Variants in NTM observed in about 807,000 individuals in gnomAD.
NTM encodes the protein neurotrimin, also known as IgLON family member 2.
In NTM, 13 loss-of-function variants were observed where a neutral mutation model predicts 42.1. The ratio of observed to expected loss-of-function variants is 0.31; its 90% CI spans 0.20 to 0.49. NTM has a LOEUF of 0.49. Among genes scored for constraint, NTM ranks in the 20% least tolerant of loss-of-function variants. The pLI is 0.99. For missense variants in NTM, 373 were observed against 452.8 expected (o/e 0.82, Z 1.60); for synonymous variants, 187 against 179.2 (o/e 1.04, Z -0.35).
chr11:131,774,816 C>T (rs2086706335), intron 1 of NTM, among the ~76,000 whole-genome samples: 1 of 152,148 alleles, frequency 6.6e-6, no homozygotes, highest in Non-Finnish European at 1.5e-5. Context: ...GATGCATGTG[C>T]CTTTCAGAAC....
intron 3 of NTM, among the ~76,000 whole-genome samples, chr11:132,171,740 C>A (rs954550158): frequency 3.9e-5 from 6 of 152,134 alleles, no homozygotes; most frequent in African/African-American, 1.4e-4. Flanking sequence ...ATCTGAATTG[C>A]AGGAATTCAT....
chr11:132,294,726 G>T (rs2094555036), intron 4 of NTM, among the ~76,000 whole-genome samples: 1 of 152,184 alleles, frequency 6.6e-6, no homozygotes, highest in South Asian at 2.1e-4. Context: ...ATTTTGTAGT[G>T]ATGGCAGCAG....
At chr11:131,986,593 T>A (rs1444177787) in intron 2 of NTM, among the ~76,000 whole-genome samples, 2 of 152,202 alleles carry the variant, frequency 1.3e-5, no homozygotes, top group African/African-American at 4.8e-5. Context: ...CTATCTAAAA[T>A]TGCAGCCCCT....
intron 3 of NTM, among the ~76,000 whole-genome samples, chr11:132,175,064 T>G (rs952573875): frequency 1.3e-5 from 2 of 152,272 alleles, no homozygotes; most frequent in Middle Eastern, 3.4e-3. Flanking sequence ...GGTCTTGGAA[T>G]GTGGGAGGCT....
chr11:132,036,644 A>T (rs867252447), intron 2 of NTM, among the ~76,000 whole-genome samples: 2 of 152,184 alleles, frequency 1.3e-5, no homozygotes, highest in Non-Finnish European at 2.9e-5. Context: ...AACTCATTTC[A>T]GTGAATTCCT....
intron 2 of NTM, among the ~76,000 whole-genome samples, chr11:131,963,843 G>C (rs1016827082): frequency 6.6e-6 from 1 of 152,168 alleles, no homozygotes; most frequent in Non-Finnish European, 1.5e-5. Flanking sequence ...ATGACACTTT[G>C]AGGTAGATAC....
intron 1 of NTM, among the ~76,000 whole-genome samples, chr11:131,906,513 C>T (rs78351672): frequency 0.028 from 4,208 of 152,152 alleles, 96 homozygotes; most frequent in Non-Finnish European, 0.043. Context: ...TGTGATGTTA[C>T]GAGTCCAGGG....
chr11:131,714,676 G>C (rs1340148694), intron 1 of NTM, among the ~76,000 whole-genome samples: 1 of 152,156 alleles, frequency 6.6e-6, no homozygotes, highest in East Asian at 1.9e-4. Context: ...AGTGTCATAG[G>C]CTAAACACAT....
chr11:131,915,943 C>T (rs533547175), intron 2 of NTM, among the ~76,000 whole-genome samples: 2 of 152,324 alleles, frequency 1.3e-5, no homozygotes, highest in Admixed American at 6.5e-5. Context: ...GGTGGGGACA[C>T]AGCCAGACCA....
intron 2 of NTM, among the ~76,000 whole-genome samples, chr11:132,044,058 ATGTGTG>A (rs1450648453): frequency 7.7e-6 from 1 of 130,198 alleles, no homozygotes; most frequent in Admixed American, 7.9e-5. Flanking sequence ...GTATGTGTGT[ATGTGTG>A]TGTATGTGTA....
At chr11:132,163,096 G>C (rs751132157) in intron 3 of NTM, among the ~76,000 whole-genome samples, 1 of 152,272 alleles carries the variant, frequency 6.6e-6, no homozygotes, top group Non-Finnish European at 1.5e-5. Context: ...TGGAAGGAGC[G>C]TCTGCAGAGA....
At position 132,071,362 on chromosome 11, in the gene NTM, C is replaced by T. The variant is rs1355883253; in HGVS notation, c.168-74920C>T. Among the ~76,000 whole-genome samples, 7 of 150,554 alleles carry T rather than the reference C, an allele frequency of 4.6e-5. No homozygotes were observed. The East Asian group carries it at 9.8e-4, about 21-fold the overall frequency. On this transcript the variant is annotated intron_variant, in intron 2 of 8. Coordinates refer to ENST00000683400, the MANE Select transcript of NTM (RefSeq NM_001352005.2). ...AACACGTCACTCAGCCAAGTTAACA[C>T]GTCACACTGACCATCACAGGTTAGT... is the stretch of plus-strand genomic sequence containing the variant.
intron 1 of NTM, among the ~76,000 whole-genome samples, chr11:131,455,642 G>T (rs1315448208): frequency 1.3e-5 from 2 of 152,184 alleles, no homozygotes; most frequent in African/African-American, 2.4e-5. Flanking sequence ...ATAGAGGTCT[G>T]AGCCCAGGGC....
intron 3 of NTM, among the ~76,000 whole-genome samples, chr11:132,174,256 G>T (rs1184291558): frequency 6.6e-6 from 1 of 152,180 alleles, no homozygotes; most frequent in Non-Finnish European, 1.5e-5. Context: ...AGTTTTCTGG[G>T]CCTCAATTCT....
chr11:131,791,638 A>G (rs1381515401), intron 1 of NTM, among the ~76,000 whole-genome samples: 1 of 152,226 alleles, frequency 6.6e-6, no homozygotes, highest in Non-Finnish European at 1.5e-5. Flanking sequence ...AGACTTTTGC[A>G]AGGACAGTCT....
chr11:132,177,830 G>A lies in NTM; in HGVS notation c.400+31316G>A, dbSNP rs2077037027. The stretch of plus-strand genomic sequence containing the variant: ...TGACTATGACTAATGCACTCATCCT[G>A]ACTGGGTAAACCTCTAGTTAATTCC... On this transcript the variant is annotated intron_variant, in intron 3 of 8. Coordinates refer to ENST00000683400, the MANE Select transcript of NTM (RefSeq NM_001352005.2). 3.9e-5 allele frequency among the ~76,000 whole-genome samples: 6 copies of A among 152,330 alleles called. 1 individual carries two copies. The Middle Eastern group carries it at 0.01, about 259-fold the overall frequency.
At chr11:132,024,442 A>G (rs1041928168) in intron 2 of NTM, among the ~76,000 whole-genome samples, 2 of 152,334 alleles carry the variant, frequency 1.3e-5, no homozygotes, top group African/African-American at 4.8e-5. Context: ...CCTTCTGTAT[A>G]CTTTTAGTCA....
chr11:131,976,978 G>C (rs2064487601), intron 2 of NTM, among the ~76,000 whole-genome samples: 1 of 152,108 alleles, frequency 6.6e-6, no homozygotes, highest in Non-Finnish European at 1.5e-5. Context: ...AATCTTTCCT[G>C]ACATTTACTT....
intron 1 of NTM, among the ~76,000 whole-genome samples, chr11:131,722,284 A>G (rs2078454480): frequency 6.6e-6 from 1 of 152,186 alleles, no homozygotes. Flanking sequence ...ATAGGGGACT[A>G]TTCTGCATCT....
Sources: gnomAD v4.1 joint callset for allele counts (sites outside exome capture counted in the v4.1 genomes callset) on GRCh38, gnomAD v4.1.1 for gene constraint, MANE v1.5 for transcripts, NCBI Gene and HGNC (gene_info 2026-07-23, HGNC 2026-07-21) for gene names.